Variants in TYW1B observed in about 807,000 individuals in gnomAD.
TYW1B encodes tRNA-yW synthesizing protein 1 homolog B.
TYW1B carries 73 observed loss-of-function variants against 86.9 expected under a neutral mutation model. The ratio of observed to expected loss-of-function variants is 0.84; its 90% CI spans 0.70 to 1.02. The LOEUF (loss-of-function observed/expected upper bound fraction) is 1.02, where lower values mean the gene tolerates loss of function less well. Among genes scored for constraint, TYW1B ranks in the 50% least tolerant of loss-of-function variants. The pLI is 0.00. For synonymous variants in TYW1B, 248 were observed against 292.8 expected, an observed-to-expected ratio of 0.85 and a Z score of 1.56; for missense variants, 637 against 827.4, an observed-to-expected ratio of 0.77 and a Z score of 2.82.
intron 11 of TYW1B, among the ~76,000 whole-genome samples, chr7:72,686,872 A>T (rs1476360267): frequency 5.9e-5 from 9 of 152,150 alleles, no homozygotes; most frequent in Non-Finnish European, 1.2e-4. Context: ...CTGCTCTAAA[A>T]TATAAAGTCC....
At chr7:72,635,436 TG>T (rs1463462287) in intron 11 of TYW1B, among the ~76,000 whole-genome samples, 2 of 152,150 alleles carry the variant, frequency 1.3e-5, no homozygotes, top group Non-Finnish European at 2.9e-5. Flanking sequence ...TTTTCACAAA[TG>T]GGGGCTGCTA....
chr7:72,677,402 C>A (rs1253408644), intron 11 of TYW1B, among the ~76,000 whole-genome samples: 2 of 152,040 alleles, frequency 1.3e-5, no homozygotes, highest in African/African-American at 4.8e-5. Flanking sequence ...CCCACCTTGG[C>A]CTCCCAAAGT....
intron 10 of TYW1B, among the ~76,000 whole-genome samples, chr7:72,701,531 TG>T (rs1462956033): frequency 2.0e-5 from 3 of 152,190 alleles, no homozygotes; most frequent in Non-Finnish European, 4.4e-5. Flanking sequence ...CCCGAAGTGC[TG>T]GGATGATAGA....
At chr7:72,677,156 T>A (rs1813755271) in intron 11 of TYW1B, among the ~76,000 whole-genome samples, 2 of 152,150 alleles carry the variant, frequency 1.3e-5, no homozygotes, top group Admixed American at 6.6e-5. Flanking sequence ...CATTGATTCA[T>A]TCATTCATTC....
chr7:72,767,479 G>A (rs770588388), intron 7 of TYW1B, among the ~76,000 whole-genome samples: 3 of 151,882 alleles, frequency 2.0e-5, no homozygotes, highest in Non-Finnish European at 4.4e-5. Context: ...GTGTGGTGGC[G>A]GGCGCCTGTA....
At chr7:72,585,438 T>C (rs1466142852) in intron 13 of TYW1B, among the ~76,000 whole-genome samples, 4 of 152,198 alleles carry the variant, frequency 2.6e-5, no homozygotes, top group African/African-American at 9.6e-5. Flanking sequence ...ACTATACCAT[T>C]CTTTATTTAA....
intron 13 of TYW1B, among the ~76,000 whole-genome samples, chr7:72,613,142 G>A (rs1379095259): frequency 2.6e-5 from 4 of 152,180 alleles, no homozygotes; most frequent in Non-Finnish European, 5.9e-5. Context: ...CTGTGGAAAT[G>A]TTCCAAATTG....
chr7:72,714,384 A>AGGTG, intron 9 of TYW1B, among the ~76,000 whole-genome samples: 1 of 152,148 alleles, frequency 6.6e-6, no homozygotes, highest in Non-Finnish European at 1.5e-5. Flanking sequence ...TGGGAGGCCA[A>AGGTG]GGCAGGAGGA....
intron 7 of TYW1B, among the ~76,000 whole-genome samples, chr7:72,772,224 A>G (rs1554469790): frequency 1.3e-5 from 2 of 152,044 alleles, no homozygotes; most frequent in Non-Finnish European, 2.9e-5. Flanking sequence ...TCATAGGTAA[A>G]AACTCGGTAA....
In TYW1B at chr7:72,777,437, G is replaced by A. The variant is rs539087501; in HGVS notation, c.943C>T (p.Arg315Ter). The change falls in exon 7 of 14, where the codon CGA (arginine) becomes TGA (stop). Residue 315 changes from arginine to a stop codon, truncating the protein, a stop_gained. Transcript: ENST00000620995. LOFTEE classifies it high-confidence loss of function. ...TCACCTTGTTTAGTAAGGGCTTCTC[G>A]GAGAGCAGGAGTTATCATAGCTCTT... ...ERRAMITPAL[R>*]EALTKQVDAP... The A allele has an allele frequency of 5.9e-5, 95 of 1,613,862 alleles. No homozygotes were observed. The highest frequency in any genetic ancestry group is 5.0e-4 in the Middle Eastern group (3 of 6,060).
chr7:72,785,831 A>G (rs1379393990), intron 6 of TYW1B, among the ~76,000 whole-genome samples: 8 of 152,026 alleles, frequency 5.3e-5, no homozygotes, highest in African/African-American at 1.9e-4. Context: ...TGCCAGAAAA[A>G]GCCAGGCTTA....
chr7:72,632,298 T>TATATAC (rs1387684331), intron 11 of TYW1B, among the ~76,000 whole-genome samples: 1 of 67,376 alleles, frequency 1.5e-5, no homozygotes, highest in Admixed American at 1.8e-4. Context: ...TATATATATA[T>TATATAC]ACGTGTATAT....
intron 7 of TYW1B, among the ~76,000 whole-genome samples, chr7:72,764,851 C>T (rs1787745526): frequency 6.6e-6 from 1 of 152,140 alleles, no homozygotes; most frequent in South Asian, 2.1e-4. Context: ...TTTTGTCTTA[C>T]AGATTTAAGA....
intron 2 of TYW1B, among the ~76,000 whole-genome samples, chr7:72,819,247 T>C (rs142902225): frequency 1.4e-3 from 208 of 152,194 alleles, no homozygotes; most frequent in African/African-American, 4.9e-3. Flanking sequence ...GCATTGACTC[T>C]TGAATGAAGG....
chr7:72,580,889 C>G (rs1409406525), intron 13 of TYW1B, among the ~76,000 whole-genome samples: 2 of 135,440 alleles, frequency 1.5e-5, no homozygotes, highest in Non-Finnish European at 3.1e-5. Context: ...GATGGGTGAG[C>G]AAACTGGTTT....
intron 13 of TYW1B, among the ~76,000 whole-genome samples, chr7:72,614,407 C>T (rs1281715949): frequency 2.0e-5 from 3 of 152,038 alleles, no homozygotes; most frequent in Admixed American, 6.5e-5. Flanking sequence ...CTGAGACAGG[C>T]GTATCACTTG....
At chr7:72,674,716 T>C (rs1554447048) in intron 11 of TYW1B, among the ~76,000 whole-genome samples, 1 of 151,812 alleles carries the variant, frequency 6.6e-6, no homozygotes, top group Non-Finnish European at 1.5e-5. Flanking sequence ...GGCTATCAAA[T>C]ATAATCTTTT....
At chr7:72,737,787 C>CTT (rs34001923) in intron 8 of TYW1B, among the ~76,000 whole-genome samples, 6,166 of 138,772 alleles carry the variant, frequency 0.044, 203 homozygotes, top group Non-Finnish European at 0.052. Flanking sequence ...CATTTTACTT[C>CTT]TTTTTTTTTT....
intron 11 of TYW1B, among the ~76,000 whole-genome samples, chr7:72,681,470 A>G (rs1813873187): frequency 6.6e-6 from 1 of 151,634 alleles, no homozygotes; most frequent in Non-Finnish European, 1.5e-5. Flanking sequence ...AGACTGTGGG[A>G]GGGGAGGGAA....
Sources: gnomAD v4.1 joint callset for allele counts (sites outside exome capture counted in the v4.1 genomes callset) on GRCh38, gnomAD v4.1.1 for gene constraint, MANE v1.5 for transcripts, NCBI Gene and HGNC (gene_info 2026-07-23, HGNC 2026-07-21) for gene names.